DDX42: variants seen among roughly 807,000 people sequenced by gnomAD.
The protein encoded by DDX42 is ATP-dependent RNA helicase DDX42.
In DDX42, 22 loss-of-function variants were observed where a neutral mutation model predicts 101.5. The observed-to-expected ratio is 0.22, with a 90% CI of 0.15 to 0.31. The LOEUF is 0.31. Ranked by LOEUF, DDX42 falls within the 10% of genes least tolerant of loss-of-function variation. The pLI, the probability that DDX42 is intolerant of heterozygous loss-of-function variation, is 1.00. For missense variants in DDX42, 849 were observed against 1,199.9 expected (o/e 0.71, Z 4.32); for synonymous variants, 402 against 401.2 (o/e 1.00, Z -0.02).
chr17:63,807,977 C>T, intron 9 of DDX42, 77 bp downstream of exon 9: 1 of 1,415,350 alleles, frequency 7.1e-7, no homozygotes, highest in Non-Finnish European at 9.5e-7. Flanking sequence ...GGTAGAATGA[C>T]CAGGAAACTT....
intron 1 of DDX42, among the ~76,000 whole-genome samples, chr17:63,783,384 T>G (rs2039511247): frequency 6.6e-6 from 1 of 152,224 alleles, no homozygotes; most frequent in South Asian, 2.1e-4. Context: ...CTTCTCATCC[T>G]TATGGCTTAT....
chr17:63,787,676 A>C (rs2039563214), intron 2 of DDX42, among the ~76,000 whole-genome samples: 1 of 151,976 alleles, frequency 6.6e-6, no homozygotes, highest in Admixed American at 6.6e-5. Context: ...CTGTCTACTA[A>C]AAATACAAAA....
At chr17:63,788,694 T>C (rs2039581328) in intron 2 of DDX42, among the ~76,000 whole-genome samples, 1 of 152,164 alleles carries the variant, frequency 6.6e-6, no homozygotes, top group Non-Finnish European at 1.5e-5. Flanking sequence ...TTCTCATAAT[T>C]GGTAAATGCT....
chr17:63,788,387 A>G (rs1033197649), intron 2 of DDX42, among the ~76,000 whole-genome samples: 26 of 148,566 alleles, frequency 1.8e-4, no homozygotes, highest in Admixed American at 1.1e-3. Flanking sequence ...GCTCACTGCA[A>G]CCTCCGCCTC....
chr17:63,812,138 T>A lies in DDX42; in HGVS notation c.1605T>A (p.Ser535Arg). 6.2e-7 allele frequency: 1 copy of A among 1,614,112 alleles called. No homozygotes were observed. Among genetic ancestry groups the A allele is most frequent in the Non-Finnish European group, 8.5e-7 (1 of 1,180,012 alleles). ...LGLLHGDMDQ[S>R]ERNKVISDFK... Reference sequence around the variant, plus strand: ...TGCTCCATGGGGATATGGATCAGAGTGAGAGAAACAAGGTCATTTCAGACT... The same window carrying A: ...TGCTCCATGGGGATATGGATCAGAGAGAGAGAAACAAGGTCATTTCAGACT... Residue 535 changes from serine (S) to arginine (R), a missense_variant, in exon 14 of 18, where the codon AGT becomes AGA. This residue lies in a region of DDX42 where 370 missense variants were observed against 608.8 expected (regional missense o/e 0.61). Transcript: ENST00000389924.
rs892201042 is a variant in DDX42 at position 63,815,761 on chromosome 17, C to T, written c.2013+88C>T. On this transcript the variant is annotated intron_variant, in intron 16 of 17. Coordinates refer to ENST00000389924, the MANE Select transcript of DDX42 (RefSeq NM_203499.3). ...AATATTCTCATCTACCCAGGAAAGC[C>T]TCAGTGAGTTTAAAGCCCTGTCTAG... is the stretch of plus-strand genomic sequence containing the variant. 6 of 896,562 alleles carry T rather than the reference C, an allele frequency of 6.7e-6. No individual in the cohort carries two copies. The African/African-American group carries it at 8.5e-5, about 13-fold the overall frequency. 55.5% of individuals were successfully genotyped at this position (896,562 alleles called of 1,614,324 possible).
rs754558137 is a variant in DDX42 at position 63,792,376 on chromosome 17, A to G, written c.222-36A>G. The G allele has an allele frequency of 5.0e-6, 8 of 1,598,360 alleles. No homozygotes were observed. The East Asian group carries it at 1.8e-4, about 36-fold the overall frequency. ...TGAAAGATTTACTGACCCCAAAGTA[A>G]GCATTCACTTTACCAGTTTGCTTTC... is the stretch of plus-strand genomic sequence containing the variant. On this transcript the variant is annotated intron_variant, in intron 2 of 17. Transcript: ENST00000389924.
chr17:63,798,731 T>G (rs2039724191), intron 4 of DDX42, among the ~76,000 whole-genome samples: 1 of 152,234 alleles, frequency 6.6e-6, no homozygotes, highest in Non-Finnish European at 1.5e-5. Context: ...TTTGCCTTGA[T>G]GAATAAACTC....
At chr17:63,811,864 C>T in intron 13 of DDX42, 68 bp from the exon 14 acceptor site, 14 of 1,600,516 alleles carry the variant, frequency 8.7e-6, no homozygotes, top group Non-Finnish European at 1.2e-5. Context: ...AAATATAATG[C>T]CTAGTCCTTG....
chr17:63,790,909 G>A lies in DDX42; in HGVS notation c.222-1503G>A, dbSNP rs115235186. ...GATCACGCCGCTGCACTGCAGCCTG[G>A]GCGACAGGGCGAGGCTGTCTCAAAA... On this transcript the variant is annotated intron_variant, in intron 2 of 17. Coordinates refer to ENST00000389924, the MANE Select transcript of DDX42 (RefSeq NM_203499.3). 8.1e-3 allele frequency among the ~76,000 whole-genome samples: 1,228 copies of A among 152,274 alleles called. 21 individuals carry two copies. Among genetic ancestry groups the A allele is most frequent in the African/African-American group, 0.028 (1,158 of 41,534 alleles).
chr17:63,793,790 G>C (rs1359010410), intron 3 of DDX42, among the ~76,000 whole-genome samples: 7 of 151,098 alleles, frequency 4.6e-5, no homozygotes, highest in Non-Finnish European at 1.0e-4. Context: ...TTATATAGCA[G>C]ATCATTAAGA....
At chr17:63,799,695 C>A in intron 5 of DDX42, 70 bp downstream of exon 5, 1 of 1,473,348 alleles carries the variant, frequency 6.8e-7, no homozygotes, top group Non-Finnish European at 9.2e-7. Context: ...CAAGCTAGAG[C>A]TTGCCTTCAC....
At chr17:63,806,756 C>T in intron 8 of DDX42, 102 bp downstream of exon 8, 2 of 1,336,690 alleles carry the variant, frequency 1.5e-6, no homozygotes, top group Non-Finnish European at 2.0e-6. Context: ...TAGTGTAGAA[C>T]CTTGTTGATA....
In DDX42 at chr17:63,806,525, C is replaced by CT; in HGVS notation, c.727-9dup. On this transcript the variant is annotated splice_polypyrimidine_tract_variant and intron_variant, in intron 7 of 17. Transcript: ENST00000389924. The stretch of plus-strand genomic sequence containing the variant: ...TACAAGTCATTCTGGGGAGTTGTCT[C>CT]TATCTCTAGGTCTCTGGTGCTGCAC... 4 of 1,606,862 alleles carry CT rather than the reference C, an allele frequency of 2.5e-6. No individual in the cohort carries two copies. The highest frequency in any genetic ancestry group is 3.4e-6 in the Non-Finnish European group (4 of 1,176,986).
rs772631996 is a variant in DDX42 at position 63,818,194 on chromosome 17, T to C, written c.2613T>C (p.His871=). The C allele has an allele frequency of 1.2e-6, 2 of 1,613,686 alleles. No individual in the cohort carries two copies. The highest frequency in any genetic ancestry group is 1.7e-6 in the Non-Finnish European group (2 of 1,179,958). ...ENRHGGSAGR[H]GENRGANDGR... Reference sequence around the variant, plus strand: ...GACATGGAGGAAGCGCAGGCCGGCATGGGGAGAACCGGGGTGCAAATGATG... The same window carrying C: ...GACATGGAGGAAGCGCAGGCCGGCACGGGGAGAACCGGGGTGCAAATGATG... Residue 871 remains histidine, a synonymous_variant, in exon 18 of 18, where the codon CAT becomes CAC. Transcript: ENST00000389924.
chr17:63,798,215 T>C (rs2039717365), intron 4 of DDX42, 116 bp downstream of exon 4: 1 of 854,244 alleles, frequency 1.2e-6, no homozygotes. Context: ...TGTACTTTAC[T>C]TGAAGTTATT....
chr17:63,779,205 T>G (rs2039457317), intron 1 of DDX42, among the ~76,000 whole-genome samples: 1 of 152,214 alleles, frequency 6.6e-6, no homozygotes, highest in East Asian at 1.9e-4. Context: ...AGAAATCTTT[T>G]TTAAGAGAAA....
chr17:63,801,850 G>A (rs957724845), intron 6 of DDX42, among the ~76,000 whole-genome samples: 1 of 152,088 alleles, frequency 6.6e-6, no homozygotes, highest in Non-Finnish European at 1.5e-5. Flanking sequence ...AGTAATTACA[G>A]GATCCTTAAG....
chr17:63,793,879 T>A (rs7220095), intron 3 of DDX42, among the ~76,000 whole-genome samples: 48,195 of 102,812 alleles, frequency 0.47, 8,060 homozygotes, highest in South Asian at 0.57. Context: ...TATATATATA[T>A]AATTTTTTAA....
Sources: gnomAD v4.1 joint callset for allele counts (sites outside exome capture counted in the v4.1 genomes callset) on GRCh38, gnomAD v4.1.1 for gene constraint, gnomAD v4.1.1 regional missense constraint, MANE v1.5 for transcripts, NCBI Gene and HGNC (gene_info 2026-07-23, HGNC 2026-07-21) for gene names.